The following CDH12 variants were observed in gnomAD, a reference collection of about 807,000 sequenced individuals.
The protein encoded by CDH12 is cadherin-12.
Under a neutral mutation model 74.1 loss-of-function variants are expected in CDH12, and 41 were observed. The ratio of observed to expected loss-of-function variants is 0.55; its 90% CI spans 0.43 to 0.72. The LOEUF (loss-of-function observed/expected upper bound fraction) is 0.72. CDH12 is among the 30% of genes least tolerant of loss of function. The pLI is 0.00. For missense variants in CDH12, 945 were observed against 977.2 expected, an observed-to-expected ratio of 0.97 and a Z score of 0.44; for synonymous variants, 399 against 355.0, an observed-to-expected ratio of 1.12 and a Z score of -1.39.
chr5:22,488,259 A>G (rs1400579375), intron 2 of CDH12, among the ~76,000 whole-genome samples: 1 of 152,240 alleles, frequency 6.6e-6, no homozygotes, highest in Non-Finnish European at 1.5e-5. Flanking sequence ...TGACTTAATC[A>G]TTTAAACCAT....
chr5:22,684,372 C>G (rs549428916), intron 1 of CDH12, among the ~76,000 whole-genome samples: 1 of 151,972 alleles, frequency 6.6e-6, no homozygotes, highest in South Asian at 2.1e-4. Flanking sequence ...ATATAGTCAC[C>G]CCTGGATTTT....
intron 3 of CDH12, among the ~76,000 whole-genome samples, chr5:22,378,475 T>C (rs1741629433): frequency 6.6e-6 from 1 of 152,108 alleles, no homozygotes; most frequent in African/African-American, 2.4e-5. Context: ...TTGTGATAAG[T>C]AAAATCATAT....
chr5:22,588,015 A>G (rs1740499493), intron 1 of CDH12, among the ~76,000 whole-genome samples: 1 of 149,316 alleles, frequency 6.7e-6, no homozygotes, highest in Non-Finnish European at 1.5e-5. Flanking sequence ...CCTACCAAAT[A>G]TATCCATATT....
chr5:22,696,861 T>C (rs920022820), intron 1 of CDH12, among the ~76,000 whole-genome samples: 5 of 152,104 alleles, frequency 3.3e-5, no homozygotes, highest in African/African-American at 9.7e-5. Flanking sequence ...TGCCTGGAAT[T>C]CCATTTCTAT....
At chr5:22,845,043 AT>A (rs1737241068) in intron 1 of CDH12, among the ~76,000 whole-genome samples, 1 of 151,644 alleles carries the variant, frequency 6.6e-6, no homozygotes, top group Admixed American at 6.6e-5. Context: ...CGGGTGTTTT[AT>A]TTTAATTGTA....
intron 3 of CDH12, among the ~76,000 whole-genome samples, chr5:22,314,171 T>G (rs1192055722): frequency 1.3e-5 from 2 of 152,168 alleles, no homozygotes; most frequent in African/African-American, 4.8e-5. Flanking sequence ...TCAATCGACA[T>G]TCTGTACAAA....
chr5:21,888,081 T>G (rs1414310178), intron 6 of CDH12, among the ~76,000 whole-genome samples: 1 of 152,124 alleles, frequency 6.6e-6, no homozygotes, highest in Admixed American at 6.6e-5. Context: ...AAAAGACTGC[T>G]ACATTAGCCG....
Position 22,327,012 on chromosome 5 carries a change from G to A in CDH12, c.-333+78245C>T, listed in dbSNP as rs6897642. Among the ~76,000 whole-genome samples, 1,494 of 152,102 alleles carry A rather than the reference G, an allele frequency of 9.8e-3. 26 individuals are homozygous for A. The highest frequency in any genetic ancestry group is 0.033 in the African/African-American group (1,387 of 41,490). On this transcript the variant is annotated intron_variant, in intron 3 of 14. Transcript: ENST00000382254. ...TTAGTAGAGAAAAAATAATAAATTTGGGGGATTTTTTTTTATTCAGTGGCC... is the reference window on the plus strand; with the variant it reads ...TTAGTAGAGAAAAAATAATAAATTTAGGGGATTTTTTTTTATTCAGTGGCC...
At chr5:22,153,052 A>G (rs1232993657) in intron 4 of CDH12, among the ~76,000 whole-genome samples, 1 of 152,122 alleles carries the variant, frequency 6.6e-6, no homozygotes, top group Admixed American at 6.6e-5. Context: ...GCTATTGAGG[A>G]CGATGCTCCA....
chr5:21,977,169 G>T (rs1757105169), intron 5 of CDH12, among the ~76,000 whole-genome samples: 1 of 151,902 alleles, frequency 6.6e-6, no homozygotes, highest in South Asian at 2.1e-4. Context: ...CAATAAGAGG[G>T]AACAAGATTT....
At chr5:21,888,980 T>C (rs1368112178) in intron 6 of CDH12, among the ~76,000 whole-genome samples, 7 of 152,050 alleles carry the variant, frequency 4.6e-5, no homozygotes, top group Admixed American at 2.6e-4. Context: ...AGCTGTCATG[T>C]TGCTGATATA....
intron 3 of CDH12, among the ~76,000 whole-genome samples, chr5:22,256,153 AT>A (rs1235328412): frequency 2.0e-5 from 3 of 152,116 alleles, no homozygotes; most frequent in African/African-American, 7.2e-5. Flanking sequence ...AGTGTAAAAT[AT>A]TTTTTCTATT....
intron 1 of CDH12, among the ~76,000 whole-genome samples, chr5:22,726,189 C>G (rs1744155545): frequency 6.6e-6 from 1 of 151,730 alleles, no homozygotes; most frequent in Non-Finnish European, 1.5e-5. Context: ...GCTCTGTTCT[C>G]CATGTATTCA....
At chr5:22,523,532 C>A (rs1737138637) in intron 1 of CDH12, among the ~76,000 whole-genome samples, 1 of 152,118 alleles carries the variant, frequency 6.6e-6, no homozygotes, top group African/African-American at 2.4e-5. Flanking sequence ...TTGCAAATAT[C>A]AAATATTTCA....
chr5:22,748,913 T>C (rs1745421623), intron 1 of CDH12, among the ~76,000 whole-genome samples: 1 of 152,154 alleles, frequency 6.6e-6, no homozygotes, highest in Admixed American at 6.5e-5. Flanking sequence ...CCAGGCTATT[T>C]TTGCTGGAGT....
intron 3 of CDH12, among the ~76,000 whole-genome samples, chr5:22,389,814 A>T (rs948460885): frequency 1.3e-5 from 2 of 151,306 alleles, no homozygotes; most frequent in Non-Finnish European, 2.9e-5. Flanking sequence ...CGCCCGGCTA[A>T]TTTTTCTGTA....
At chr5:21,753,951 G>A (rs1466510022) in intron 14 of CDH12, among the ~76,000 whole-genome samples, 4 of 152,310 alleles carry the variant, frequency 2.6e-5, no homozygotes, top group Middle Eastern at 3.4e-3. Context: ...CAATGGGAAT[G>A]TGAGTGCCAT....
At chr5:22,202,086 T>A (rs1750953243) in intron 4 of CDH12, among the ~76,000 whole-genome samples, 1 of 151,808 alleles carries the variant, frequency 6.6e-6, no homozygotes, top group Non-Finnish European at 1.5e-5. Context: ...GATTAGGGAA[T>A]GCACTGATAT....
At chr5:22,729,328 G>T (rs935441644) in intron 1 of CDH12, among the ~76,000 whole-genome samples, 2 of 151,894 alleles carry the variant, frequency 1.3e-5, no homozygotes, top group South Asian at 2.1e-4. Flanking sequence ...AAGCCATCCA[G>T]GGCATGATGA....
Sources: allele counts gnomAD v4.1 joint callset (sites outside exome capture counted in the v4.1 genomes callset), GRCh38; gene constraint gnomAD v4.1.1; transcripts MANE v1.5; gene names NCBI Gene and HGNC (gene_info 2026-07-23, HGNC 2026-07-21).